KIFAP3: variants seen among roughly 807,000 people sequenced by gnomAD.
KIFAP3 encodes kinesin associated protein 3.
A neutral mutation model predicts 106.5 loss-of-function variants in KIFAP3; 68 were observed. The ratio of observed to expected loss-of-function variants is 0.64; its 90% CI spans 0.53 to 0.78. KIFAP3 has a LOEUF of 0.78. Ranked by LOEUF, KIFAP3 falls within the 30% of genes least tolerant of loss-of-function variation. The pLI, the probability that KIFAP3 is intolerant of heterozygous loss-of-function variation, is 0.00. For missense variants in KIFAP3, 780 were observed against 941.8 expected (o/e 0.83, Z 2.25); for synonymous variants, 320 against 311.5 (o/e 1.03, Z -0.29).
rs933663300 is a variant in KIFAP3, at chr1:169,960,329, T to C, written c.2173+717A>G. 2.6e-5 allele frequency among the ~76,000 whole-genome samples: 4 copies of C among 152,074 alleles called. No individual in the cohort carries two copies. The South Asian group carries it at 6.2e-4, about 24-fold the overall frequency. On this transcript the variant is annotated intron_variant, in intron 18 of 19. Transcript: ENST00000361580. ...AACTTGCTAGAGATTTTAATTATTATAGAAATCCTTTCCTTCCTCTCCTCA... is the reference window on the plus strand; with the variant it reads ...AACTTGCTAGAGATTTTAATTATTACAGAAATCCTTTCCTTCCTCTCCTCA...
chr1:169,932,066 T>A (rs1663517195), intron 19 of KIFAP3, among the ~76,000 whole-genome samples: 1 of 152,178 alleles, frequency 6.6e-6, no homozygotes, highest in South Asian at 2.1e-4. Context: ...GCCAGCCCTG[T>A]CAGAGCAAAT....
chr1:170,076,042 A>G (rs1571780603), upstream of KIFAP3, among the ~76,000 whole-genome samples: 1 of 152,244 alleles, frequency 6.6e-6, no homozygotes, highest in Non-Finnish European at 1.5e-5. Context: ...TAAAATTGGA[A>G]GACCAAAATA....
chr1:170,058,338 T>C (rs912365549), intron 1 of KIFAP3, among the ~76,000 whole-genome samples: 1 of 152,206 alleles, frequency 6.6e-6, no homozygotes, highest in Non-Finnish European at 1.5e-5. Flanking sequence ...ATTTACGCCA[T>C]AGAGCAAATA....
chr1:169,950,306 G>A (rs1244240440), intron 19 of KIFAP3, among the ~76,000 whole-genome samples: 1 of 152,082 alleles, frequency 6.6e-6, no homozygotes, highest in African/African-American at 2.4e-5. Context: ...CTGTCATATT[G>A]TTTCGTGTTT....
At chr1:169,954,353 T>C (rs1342448451) in intron 18 of KIFAP3, among the ~76,000 whole-genome samples, 2 of 152,042 alleles carry the variant, frequency 1.3e-5, no homozygotes, top group Non-Finnish European at 2.9e-5. Flanking sequence ...ACTATGTGAG[T>C]ACAGAGAGGA....
intron 10 of KIFAP3, among the ~76,000 whole-genome samples, chr1:170,001,607 T>G (rs1667672152): frequency 1.3e-5 from 2 of 152,128 alleles, no homozygotes; most frequent in Non-Finnish European, 2.9e-5. Context: ...TGAGGCCTAT[T>G]AAAATTGAGA....
At chr1:169,976,195 C>G (rs886677205) in intron 16 of KIFAP3, among the ~76,000 whole-genome samples, 1 of 152,076 alleles carries the variant, frequency 6.6e-6, no homozygotes, top group Non-Finnish European at 1.5e-5. Flanking sequence ...ATGAGATGAC[C>G]TGTAAATAGG....
chr1:169,985,984 T>C (rs1163843657), intron 11 of KIFAP3, among the ~76,000 whole-genome samples: 1 of 151,918 alleles, frequency 6.6e-6, no homozygotes, highest in African/African-American at 2.4e-5. Context: ...TAGTGTATAG[T>C]ACATAAAGAG....
At chr1:170,074,699 C>A, upstream of KIFAP3, 1 of 1,405,972 alleles carries the variant, frequency 7.1e-7, no homozygotes. Flanking sequence ...GTCGCCTAAG[C>A]CGGGCCGTCA....
In KIFAP3 at chr1:169,984,763, A is replaced by G. The variant is rs981348138; in HGVS notation, c.1285-73T>C. The G allele has an allele frequency of 8.1e-6, 6 of 738,658 alleles. No homozygotes were observed. The African/African-American group carries it at 1.1e-4, about 13-fold the overall frequency. 45.8% of individuals were successfully genotyped at this position (738,658 alleles called of 1,614,324 possible). On this transcript the variant is annotated intron_variant, in intron 11 of 19. Coordinates refer to ENST00000361580, the MANE Select transcript of KIFAP3 (RefSeq NM_014970.4). ...AACCAAACACAGAAGCAATATTTTTATCATAATGTGTTATCTTAGATTGTA... is the reference window on the plus strand; with the variant it reads ...AACCAAACACAGAAGCAATATTTTTGTCATAATGTGTTATCTTAGATTGTA...
At chr1:169,926,569 T>C (rs1163238889) in intron 19 of KIFAP3, among the ~76,000 whole-genome samples, 1 of 152,018 alleles carries the variant, frequency 6.6e-6, no homozygotes, top group East Asian at 1.9e-4. Flanking sequence ...TATAATTGAC[T>C]GTGTATATAT....
intron 17 of KIFAP3, among the ~76,000 whole-genome samples, chr1:169,965,584 A>G (rs1288332649): frequency 2.6e-5 from 4 of 152,020 alleles, no homozygotes; most frequent in African/African-American, 9.7e-5. Context: ...AAACAAACAA[A>G]AATCCTGCTT....
intron 16 of KIFAP3, among the ~76,000 whole-genome samples, chr1:169,977,376 T>A (rs1191569437): frequency 2.6e-5 from 4 of 152,174 alleles, no homozygotes; most frequent in African/African-American, 9.6e-5. Context: ...ACTAAGTACC[T>A]CTGTGTATTG....
intron 19 of KIFAP3, among the ~76,000 whole-genome samples, chr1:169,952,212 C>T (rs1369051958): frequency 6.6e-6 from 1 of 151,910 alleles, no homozygotes; most frequent in Non-Finnish European, 1.5e-5. Context: ...AAGTACACTA[C>T]AGAACACTGA....
rs766373863 is a variant in KIFAP3, at chr1:170,046,736, G to A, written c.295C>T (p.Arg99Cys). 5.7e-6 allele frequency: 9 copies of A among 1,572,018 alleles called. No homozygotes were observed. Among genetic ancestry groups the A allele is most frequent in the South Asian group, 3.6e-5 (3 of 83,434 alleles). The change falls in exon 3 of 20, where the codon CGC (arginine) becomes TGC (cysteine). Residue 99 changes from arginine (R) to cysteine (C), a missense_variant. Physicochemically the swap from Arg to Cys is radical, Grantham distance 180. Around this residue, in one of 3 missense-constraint regions of KIFAP3, gnomAD observed 588 missense variants for 678.9 expected, o/e 0.87. Transcript: ENST00000361580. ...CCTTTTCCTGACAATGAATCACGGC[G>A]GTTCTGTAGATAGTACAACAGCTGT... Reference protein sequence around the residue: ...VEQLLYYLQNRRDSLSGKEKK... With the variant: ...VEQLLYYLQNCRDSLSGKEKK...
At chr1:170,016,139 GTTTTT>G (rs199768050) in intron 10 of KIFAP3, among the ~76,000 whole-genome samples, 1 of 151,590 alleles carries the variant, frequency 6.6e-6, no homozygotes, top group Non-Finnish European at 1.5e-5. Context: ...TACCTGCGTT[GTTTTT>G]TTTAAGAAAA....
At chr1:170,080,335 A>G (rs981412219) in intron 1 of KIFAP3, among the ~76,000 whole-genome samples, 4 of 152,096 alleles carry the variant, frequency 2.6e-5, no homozygotes, top group African/African-American at 7.2e-5. Flanking sequence ...TAGAACATCA[A>G]TTTTACTCAA....
At chr1:169,989,152 T>A (rs1666980117) in intron 11 of KIFAP3, among the ~76,000 whole-genome samples, 1 of 152,022 alleles carries the variant, frequency 6.6e-6, no homozygotes, top group African/African-American at 2.4e-5. Context: ...TACACAGTTT[T>A]AAATTGCAAT....
chr1:170,019,880 G>A (rs1014100758), intron 9 of KIFAP3, among the ~76,000 whole-genome samples: 5 of 152,108 alleles, frequency 3.3e-5, no homozygotes, highest in African/African-American at 1.2e-4. Flanking sequence ...AGATTAGAAA[G>A]GAAGAAACAA....
Sources: allele counts gnomAD v4.1 joint callset (sites outside exome capture counted in the v4.1 genomes callset), GRCh38; gene constraint gnomAD v4.1.1; regional missense constraint gnomAD v4.1.1; transcripts MANE v1.5; gene names NCBI Gene and HGNC (gene_info 2026-07-23, HGNC 2026-07-21).